LYN: variants seen among roughly 807,000 people sequenced by gnomAD.
The protein encoded by LYN is tyrosine-protein kinase Lyn.
A neutral mutation model predicts 65.0 loss-of-function variants in LYN; 12 were observed. That is an observed-to-expected ratio of 0.18 (90% CI 0.12 to 0.30). LYN has a LOEUF of 0.30. LYN is among the 10% of genes least tolerant of loss of function. The probability of loss-of-function intolerance (pLI) is 1.00; values close to 1 mark genes in which losing one functional copy is unlikely to be tolerated. For synonymous variants in LYN, 222 were observed against 221.2 expected (o/e 1.00, Z -0.03); for missense variants, 380 against 623.2 (o/e 0.61, Z 4.16).
chr8:55,990,005 G>A (rs996753546), intron 10 of LYN, among the ~76,000 whole-genome samples: 8 of 152,092 alleles, frequency 5.3e-5, no homozygotes, highest in African/African-American at 2.4e-5. Context: ...TTAGGAGGCC[G>A]AAGTGGGTGG....
chr8:56,011,276 T>C lies in LYN; in HGVS notation c.*1166T>C, dbSNP rs1808809510. 5 of 226,124 alleles carry C rather than the reference T, an allele frequency of 2.2e-5. No homozygotes were observed. The Admixed American group carries it at 2.8e-4, about 13-fold the overall frequency. The allele number at this position is 226,124 out of a possible 1,614,324, so 14.0% of individuals were successfully genotyped here. The stretch of plus-strand genomic sequence containing the variant: ...TCACTAAATTTTTCTCCTGTAAGCT[T>C]TGAATGGAAACTTCTGTATCACATG... On this transcript the variant is annotated 3_prime_UTR_variant, in exon 13 of 13. Transcript: ENST00000519728.
chr8:55,965,590 C>T (rs553424193), intron 8 of LYN, among the ~76,000 whole-genome samples: 2 of 152,070 alleles, frequency 1.3e-5, no homozygotes, highest in Non-Finnish European at 2.9e-5. Flanking sequence ...TAAAATCGCT[C>T]GTAATCACAC....
At chr8:55,947,500 T>C (rs1806813332) in intron 3 of LYN, 118 bp from the exon 4 acceptor site, 2 of 722,920 alleles carry the variant, frequency 2.8e-6, no homozygotes, top group East Asian at 2.5e-5. Flanking sequence ...AGGAAGCACA[T>C]GTCCTTCTTC....
In LYN at chr8:56,010,658, T is replaced by G. The variant is rs6985298; in HGVS notation, c.*548T>G. On this transcript the variant is annotated 3_prime_UTR_variant, in exon 13 of 13. Transcript: ENST00000519728. ...AATGTCTTTCCCAGATTTCAATGAT[T>G]TTTTTCCCCCTACCTCCCAAAATCT... is the stretch of plus-strand genomic sequence containing the variant. 91 of 231,560 alleles carry G rather than the reference T, an allele frequency of 3.9e-4. No homozygotes were observed. Among genetic ancestry groups the G allele is most frequent in the Non-Finnish European group, 7.0e-4 (83 of 117,956 alleles). The allele number at this position is 231,560 out of a possible 1,614,324, so 14.3% of individuals were successfully genotyped here.
intron 10 of LYN, among the ~76,000 whole-genome samples, chr8:55,977,311 C>T (rs529857147): frequency 6.6e-6 from 1 of 152,322 alleles, no homozygotes; most frequent in African/African-American, 2.4e-5. Flanking sequence ...TTATACTCAG[C>T]AAATAGTTTC....
intron 10 of LYN, among the ~76,000 whole-genome samples, chr8:55,974,151 G>A (rs1563320318): frequency 6.6e-6 from 1 of 152,102 alleles, no homozygotes; most frequent in East Asian, 1.9e-4. Context: ...GGAATTGCTG[G>A]GACTTGATCC....
intron 1 of LYN, among the ~76,000 whole-genome samples, chr8:55,934,017 G>T (rs1806344988): frequency 6.6e-6 from 1 of 152,196 alleles, no homozygotes; most frequent in Admixed American, 6.5e-5. Flanking sequence ...CACAAGGTCA[G>T]GAGTTCGAGA....
intron 10 of LYN, among the ~76,000 whole-genome samples, chr8:55,979,895 C>T (rs1314672525): frequency 2.0e-5 from 3 of 152,344 alleles, no homozygotes; most frequent in African/African-American, 4.8e-5. Context: ...AGACCCCACC[C>T]GAGCTCCTGC....
chr8:55,937,885 CAG>C (rs1189612964), intron 1 of LYN, among the ~76,000 whole-genome samples: 1 of 152,082 alleles, frequency 6.6e-6, no homozygotes, highest in African/African-American at 2.4e-5. Flanking sequence ...TTAGTAGAGA[CAG>C]AGTTTCATCA....
chr8:55,906,559 G>A (rs1272451571), intron 1 of LYN, among the ~76,000 whole-genome samples: 1 of 151,734 alleles, frequency 6.6e-6, no homozygotes, highest in Non-Finnish European at 1.5e-5. Flanking sequence ...GTTTCACCAT[G>A]TTGCCCAGGC....
At chr8:55,962,142 A>G (rs1458513190) in intron 8 of LYN, among the ~76,000 whole-genome samples, 2 of 151,982 alleles carry the variant, frequency 1.3e-5, no homozygotes, top group South Asian at 2.1e-4. Context: ...TCTTCATTCC[A>G]TGTGGTGTTG....
chr8:55,999,655 GA>G, intron 12 of LYN, 106 bp downstream of exon 12: 1 of 1,158,710 alleles, frequency 8.6e-7, no homozygotes, highest in Non-Finnish European at 1.3e-6. Flanking sequence ...CGATAGCAAA[GA>G]ATAAGTGCTT....
intron 1 of LYN, among the ~76,000 whole-genome samples, chr8:55,920,305 A>G (rs1028633350): frequency 3.9e-5 from 6 of 152,196 alleles, no homozygotes; most frequent in Admixed American, 6.5e-5. Context: ...TTTCTTTGTT[A>G]GCAGGATTCC....
intron 1 of LYN, among the ~76,000 whole-genome samples, chr8:55,935,774 C>T (rs1412009869): frequency 7.6e-6 from 1 of 131,874 alleles, no homozygotes; most frequent in Non-Finnish European, 1.6e-5. Flanking sequence ...GAGGGAGACT[C>T]CATCCAAAAA....
At position 55,946,637 on chromosome 8, in the gene LYN, T is replaced by C. The variant is rs1806786723; in HGVS notation, c.178+144T>C. The C allele has an allele frequency of 3.8e-5, 24 of 629,396 alleles. 1 individual carries two copies. Among genetic ancestry groups the C allele is most frequent in the South Asian group, 3.3e-4 (16 of 48,926 alleles). 39.0% of individuals were successfully genotyped at this position (629,396 alleles called of 1,614,324 possible). The stretch of plus-strand genomic sequence containing the variant: ...TTACCCTCTTAACTATTTTTAAGTA[T>C]ACATTTCAGCAGCATTAGGTACATT... On this transcript the variant is annotated intron_variant, in intron 3 of 12. Coordinates refer to ENST00000519728, the MANE Select transcript of LYN (RefSeq NM_002350.4).
chr8:55,950,838 G>A lies in LYN; in HGVS notation c.487+54G>A, dbSNP rs1395024124. 6.1e-6 allele frequency: 8 copies of A among 1,301,244 alleles called. No homozygotes were observed. In the Admixed American group the frequency reaches 6.8e-5, roughly 11 times the overall value. 80.6% of individuals were successfully genotyped at this position (1,301,244 alleles called of 1,614,324 possible). A position where few individuals can be genotyped will look rare whatever the true frequency, so the allele number is the denominator to read the frequency against. ...AACACTATTTAGGAAATTATTTTTA[G>A]AAACTATTCTAGAGCTACTCAAGGG... On this transcript the variant is annotated intron_variant, in intron 6 of 12. Transcript: ENST00000519728.
chr8:55,891,063 G>A (rs1399123926), intron 1 of LYN, among the ~76,000 whole-genome samples: 5 of 150,996 alleles, frequency 3.3e-5, no homozygotes, highest in Non-Finnish European at 1.5e-5. Flanking sequence ...TTAAAAAAAG[G>A]AAATGCTGGC....
At chr8:55,907,937 C>G in intron 1 of LYN, among the ~76,000 whole-genome samples, 2 of 152,110 alleles carry the variant, frequency 1.3e-5, no homozygotes, top group Middle Eastern at 6.8e-3. Flanking sequence ...AAATAAGAGA[C>G]AGGGCTTAAT....
rs566236488 is a variant in LYN at position 55,919,828 on chromosome 8, C to G, written c.-5-22027C>G. ...CGTGCATTGGCTGAGGTGTGAGGCTCGGGAAATGGCTCTCCAGGCAAAGAC... is the reference window on the plus strand; with the variant it reads ...CGTGCATTGGCTGAGGTGTGAGGCTGGGGAAATGGCTCTCCAGGCAAAGAC... On this transcript the variant is annotated intron_variant, in intron 1 of 12. Transcript: ENST00000519728. 1.4e-3 allele frequency among the ~76,000 whole-genome samples: 202 copies of G among 147,518 alleles called. 3 individuals carry two copies. Among genetic ancestry groups the G allele is most frequent in the Admixed American group, 7.4e-4 (11 of 14,778 alleles).
Sources: gnomAD v4.1 joint callset for allele counts (sites outside exome capture counted in the v4.1 genomes callset) on GRCh38, gnomAD v4.1.1 for gene constraint, MANE v1.5 for transcripts, NCBI Gene and HGNC (gene_info 2026-07-23, HGNC 2026-07-21) for gene names.